Variants in DHX29 observed in about 807,000 individuals in gnomAD.
The protein encoded by DHX29 is DExH-box helicase 29.
DHX29 carries 79 observed loss-of-function variants against 167.9 expected under a neutral mutation model. The ratio of observed to expected loss-of-function variants is 0.47; its 90% CI spans 0.39 to 0.57. The LOEUF (loss-of-function observed/expected upper bound fraction) is 0.57, where lower values mean the gene tolerates loss of function less well. Among genes scored for constraint, DHX29 ranks in the 20% least tolerant of loss-of-function variants. The probability of loss-of-function intolerance (pLI) is 0.00; values close to 1 mark genes in which losing one functional copy is unlikely to be tolerated. For missense variants in DHX29, 1,347 were observed against 1,593.4 expected, an observed-to-expected ratio of 0.85 and a Z score of 2.63; for synonymous variants, 530 against 546.0, an observed-to-expected ratio of 0.97 and a Z score of 0.41.
Position 55,273,394 on chromosome 5 carries a change from T to A in DHX29, c.2691-17A>T. 1 of 1,540,542 alleles carries A rather than the reference T, an allele frequency of 6.5e-7. No homozygotes were observed. Among genetic ancestry groups the A allele is most frequent in the Non-Finnish European group, 8.8e-7 (1 of 1,134,610 alleles). ...ACTTTATATCTGAAAGTTAAAATCA[T>A]AGTTCTTAGCAAGAGTTTCTCTTTA... On this transcript the variant is annotated splice_polypyrimidine_tract_variant and intron_variant, in intron 16 of 26. Coordinates refer to ENST00000251636, the MANE Select transcript of DHX29 (RefSeq NM_019030.4).
chr5:55,275,725 C>CTATG (rs375674768), intron 14 of DHX29, among the ~76,000 whole-genome samples: 14,210 of 148,812 alleles, frequency 0.095, 746 homozygotes, highest in African/African-American at 0.13. Context: ...GACAGCTTCA[C>CTATG]TATGTATGTA....
chr5:55,259,949 T>A lies in DHX29; in HGVS notation c.3961-5A>T. ...GACAGCTATCTTTACAGGGGCCTGT[T>A]AAGAGGAGTTGAAAAAATGGACAAA... is the stretch of plus-strand genomic sequence containing the variant. On this transcript the variant is annotated splice_polypyrimidine_tract_variant and splice_region_variant and intron_variant, in intron 25 of 26. Coordinates refer to ENST00000251636, the MANE Select transcript of DHX29 (RefSeq NM_019030.4). 1 of 1,571,394 alleles carries A rather than the reference T, an allele frequency of 6.4e-7. No individual in the cohort carries two copies. Among genetic ancestry groups the A allele is most frequent in the Non-Finnish European group, 8.7e-7 (1 of 1,143,686 alleles).
chr5:55,280,977 C>A (rs1747370528), intron 12 of DHX29, among the ~76,000 whole-genome samples: 1 of 151,948 alleles, frequency 6.6e-6, no homozygotes, highest in African/African-American at 2.4e-5. Context: ...AGACCTGACT[C>A]CCCAAACAGT....
At chr5:55,258,369 T>G (rs1746150879) in intron 26 of DHX29, among the ~76,000 whole-genome samples, 1 of 152,230 alleles carries the variant, frequency 6.6e-6, no homozygotes, top group African/African-American at 2.4e-5. Context: ...CAACTCAGTT[T>G]ATTAAAAATA....
chr5:55,277,035 C>A, intron 13 of DHX29, 71 bp downstream of exon 13: 2 of 1,136,254 alleles, frequency 1.8e-6, no homozygotes, highest in South Asian at 3.1e-5. Flanking sequence ...ACTACAAGTG[C>A]CCATCTTCTA....
chr5:55,302,739 C>T (rs1429497309), intron 1 of DHX29, among the ~76,000 whole-genome samples: 2 of 152,040 alleles, frequency 1.3e-5, no homozygotes, highest in African/African-American at 4.8e-5. Flanking sequence ...TGCAAACTTC[C>T]AGAGGGTAAA....
intron 1 of DHX29, among the ~76,000 whole-genome samples, chr5:55,306,255 C>G (rs567599555): frequency 6.6e-6 from 1 of 152,268 alleles, no homozygotes; most frequent in East Asian, 1.9e-4. Flanking sequence ...TTTGGCGATG[C>G]TTTATGTTCT....
At chr5:55,295,133 A>C (rs1748248049) in intron 5 of DHX29, 1 of 354,008 alleles carries the variant, frequency 2.8e-6, no homozygotes, top group Non-Finnish European at 5.1e-6. Flanking sequence ...CTGGAACCGA[A>C]GAAACACCTT....
intron 10 of DHX29, among the ~76,000 whole-genome samples, chr5:55,285,044 A>G (rs181118639): frequency 1.2e-3 from 181 of 152,272 alleles, no homozygotes; most frequent in Non-Finnish European, 1.6e-3. Flanking sequence ...CCTTAATTCA[A>G]CCACACTAAC....
chr5:55,261,286 C>A, intron 25 of DHX29, 82 bp downstream of exon 25: 1 of 659,262 alleles, frequency 1.5e-6, no homozygotes, highest in East Asian at 2.8e-5. Flanking sequence ...ATGCAAACTC[C>A]AATAAAATTT....
chr5:55,290,476 G>C, intron 6 of DHX29, 132 bp from the exon 7 acceptor site: 2 of 1,128,756 alleles, frequency 1.8e-6, no homozygotes, highest in South Asian at 1.8e-5. Context: ...CTACTTTTAG[G>C]AATTTTTCAT....
intron 12 of DHX29, among the ~76,000 whole-genome samples, chr5:55,280,308 TTA>T (rs2111875732): frequency 6.6e-6 from 1 of 152,344 alleles, no homozygotes; most frequent in African/African-American, 2.4e-5. Flanking sequence ...GGTCTGGTTT[TTA>T]GAGTTCATCC....
At chr5:55,263,533 G>T (rs886091927) in intron 23 of DHX29, among the ~76,000 whole-genome samples, 7 of 151,748 alleles carry the variant, frequency 4.6e-5, no homozygotes, top group African/African-American at 1.7e-4. Flanking sequence ...TTACCTTTAG[G>T]ATATCCTTTA....
intron 3 of DHX29, 101 bp from the exon 4 acceptor site, chr5:55,296,450 A>G: frequency 7.4e-7 from 1 of 1,353,594 alleles, no homozygotes; most frequent in East Asian, 2.5e-5. Flanking sequence ...GACACAAATT[A>G]TAATTTCAAA....
At chr5:55,270,333 G>A in intron 20 of DHX29, 79 bp downstream of exon 20, 1 of 1,429,420 alleles carries the variant, frequency 7.0e-7, no homozygotes, top group South Asian at 1.4e-5. Flanking sequence ...AGCAATATAA[G>A]GTAAGTTTAG....
intron 23 of DHX29, among the ~76,000 whole-genome samples, chr5:55,265,972 A>G (rs1746540954): frequency 6.6e-6 from 1 of 152,024 alleles, no homozygotes; most frequent in South Asian, 2.1e-4. Context: ...TGAGAAATGT[A>G]GATTCTCTCC....
At chr5:55,271,503 T>A (rs1019778276) in intron 18 of DHX29, among the ~76,000 whole-genome samples, 1 of 152,156 alleles carries the variant, frequency 6.6e-6, no homozygotes, top group Non-Finnish European at 1.5e-5. Context: ...TGTGGTGGCA[T>A]GTGCCTGTAA....
Position 55,274,853 on chromosome 5 carries a change from A to C in DHX29, c.2572+13T>G. Reference sequence around the variant, plus strand: ...TCAAATCAAATGGAGACCCATTAGAAATAGAAATATACCTAAGTATGCAAG... The same window carrying C: ...TCAAATCAAATGGAGACCCATTAGACATAGAAATATACCTAAGTATGCAAG... On this transcript the variant is annotated intron_variant, in intron 15 of 26. Coordinates refer to ENST00000251636, the MANE Select transcript of DHX29 (RefSeq NM_019030.4). 2.5e-6 allele frequency: 4 copies of C among 1,608,088 alleles called. No individual in the cohort carries two copies. The highest frequency in any genetic ancestry group is 3.4e-6 in the Non-Finnish European group (4 of 1,177,822).
intron 25 of DHX29, among the ~76,000 whole-genome samples, chr5:55,260,237 A>AT (rs568062298): frequency 0.012 from 1,713 of 147,536 alleles, 14 homozygotes; most frequent in Non-Finnish European, 0.017. Flanking sequence ...GGGGAGGGAA[A>AT]TTTTTTTTTT....
Sources: allele counts gnomAD v4.1 joint callset (sites outside exome capture counted in the v4.1 genomes callset), GRCh38; gene constraint gnomAD v4.1.1; transcripts MANE v1.5; gene names NCBI Gene and HGNC (gene_info 2026-07-23, HGNC 2026-07-21).